The following PTGER3 variants were observed in gnomAD, a reference collection of about 807,000 sequenced individuals.
PTGER3 encodes prostaglandin E receptor 3, also known as prostaglandin E2 receptor EP3 subtype.
A neutral mutation model predicts 34.7 loss-of-function variants in PTGER3; 22 were observed. The observed-to-expected ratio is 0.63, with a 90% confidence interval of 0.45 to 0.91. PTGER3 has a LOEUF of 0.91. PTGER3 is among the 40% of genes least tolerant of loss of function. PTGER3 has a pLI of 0.00. For missense variants in PTGER3, 468 were observed against 519.4 expected, an observed-to-expected ratio of 0.90 and a Z score of 0.96; for synonymous variants, 241 against 230.1, an observed-to-expected ratio of 1.05 and a Z score of -0.43.
chr1:70,862,416 T>C (rs373939618), intron 4 of PTGER3: 8 of 1,331,518 alleles, frequency 6.0e-6, no homozygotes, highest in Non-Finnish European at 6.1e-6. Context: ...TGATAGGCAA[T>C]AGAAATATTG....
intron 2 of PTGER3, among the ~76,000 whole-genome samples, chr1:71,003,456 T>C (rs1359484395): frequency 6.6e-6 from 1 of 152,204 alleles, no homozygotes; most frequent in Non-Finnish European, 1.5e-5. Flanking sequence ...ATCTCTCTTG[T>C]TGGGCCAGCA....
intron 2 of PTGER3, among the ~76,000 whole-genome samples, chr1:70,983,823 T>G (rs373231575): frequency 5.7e-4 from 87 of 152,224 alleles, no homozygotes; most frequent in African/African-American, 2.0e-3. Context: ...ACTTCCTGAT[T>G]CATTGAATTT....
chr1:70,852,989 G>A, intron 4 of PTGER3: 5 of 1,062,492 alleles, frequency 4.7e-6, no homozygotes, highest in Non-Finnish European at 7.1e-6. Flanking sequence ...ACTTACAGCA[G>A]TATAACAAGA....
chr1:70,957,257 A>T (rs1651442739), intron 2 of PTGER3, among the ~76,000 whole-genome samples: 1 of 152,154 alleles, frequency 6.6e-6, no homozygotes, highest in Non-Finnish European at 1.5e-5. Context: ...CCCCTAAATG[A>T]GTATATTGTT....
intron 2 of PTGER3, among the ~76,000 whole-genome samples, chr1:70,977,029 T>G (rs112530395): frequency 0.017 from 2,518 of 152,306 alleles, 84 homozygotes; most frequent in African/African-American, 0.058. Flanking sequence ...GATTTCAATT[T>G]AGACAGCTTT....
At chr1:70,905,153 T>G (rs137875578) in intron 4 of PTGER3, among the ~76,000 whole-genome samples, 19 of 152,182 alleles carry the variant, frequency 1.2e-4, no homozygotes, top group Non-Finnish European at 2.6e-4. Context: ...AGGTCAAGAA[T>G]TGGGGTTTGT....
intron 4 of PTGER3, among the ~76,000 whole-genome samples, chr1:70,939,783 C>T (rs1649586083): frequency 6.6e-6 from 1 of 152,158 alleles, no homozygotes; most frequent in South Asian, 2.1e-4. Context: ...GACTGTGGGC[C>T]CAGCTGATGA....
chr1:70,895,695 GA>G (rs1199412590), intron 4 of PTGER3, among the ~76,000 whole-genome samples: 1 of 152,224 alleles, frequency 6.6e-6, no homozygotes, highest in African/African-American at 2.4e-5. Context: ...AGAAATTTCA[GA>G]GAACAGGAAA....
chr1:71,021,407 GTATT>G (rs1472868148), intron 1 of PTGER3, among the ~76,000 whole-genome samples: 1 of 152,100 alleles, frequency 6.6e-6, no homozygotes, highest in Non-Finnish European at 1.5e-5. Context: ...ATCTAAGTAA[GTATT>G]CAAATTCTGG....
At chr1:71,039,241 G>C (rs1660079234) in intron 1 of PTGER3, among the ~76,000 whole-genome samples, 1 of 152,102 alleles carries the variant, frequency 6.6e-6, no homozygotes, top group African/African-American at 2.4e-5. Context: ...AGGGAAAGGG[G>C]AAATGGGATC....
intron 4 of PTGER3, among the ~76,000 whole-genome samples, chr1:70,937,952 T>G (rs1649389712): frequency 1.3e-5 from 2 of 152,202 alleles, no homozygotes; most frequent in African/African-American, 4.8e-5. Context: ...AGTTCTTATT[T>G]AGAGTATTGG....
intron 4 of PTGER3, among the ~76,000 whole-genome samples, chr1:70,856,137 GTCTA>G: frequency 6.6e-6 from 1 of 152,176 alleles, no homozygotes; most frequent in Admixed American, 6.5e-5. Flanking sequence ...CTTCCAAGGT[GTCTA>G]TCACTATACT....
chr1:70,969,539 A>AGGAATAGTACAAT (rs1553169032), downstream of PTGER3, among the ~76,000 whole-genome samples: 1 of 152,208 alleles, frequency 6.6e-6, no homozygotes, highest in Non-Finnish European at 1.5e-5. Context: ...AAAATATTCA[A>AGGAATAGTACAAT]GGAATAGTAC....
At chr1:70,975,610 A>G (rs57657267) in intron 2 of PTGER3, among the ~76,000 whole-genome samples, 3,823 of 152,214 alleles carry the variant, frequency 0.025, 182 homozygotes, top group African/African-American at 0.088. Flanking sequence ...TAGTTTTCCA[A>G]TCTTTAACTG....
intron 4 of PTGER3, among the ~76,000 whole-genome samples, chr1:70,871,785 CA>C (rs1646168529): frequency 6.6e-6 from 1 of 152,056 alleles, no homozygotes; most frequent in Non-Finnish European, 1.5e-5. Context: ...GCTGGACTTG[CA>C]ATTTTTTTTT....
chr1:70,996,618 G>A lies in PTGER3; in HGVS notation c.1077+15687C>T, dbSNP rs571345460. 5.4e-4 allele frequency among the ~76,000 whole-genome samples: 65 copies of A among 119,928 alleles called. No individual in the cohort carries two copies. In the East Asian group the frequency reaches 0.014, roughly 26 times the overall value. 78.7% of individuals were successfully genotyped at this position (119,928 alleles called of 152,430 possible). A position where few individuals can be genotyped will look rare whatever the true frequency, so the allele number is the denominator to read the frequency against. On this transcript the variant is annotated intron_variant, in intron 2 of 3. Coordinates refer to ENST00000306666, the MANE Select transcript of PTGER3 (RefSeq NM_198719.2). ...TGGGACTACAGGCGCCCGCCACCAT[G>A]CCCGGCTAATTTTTTTGTATTTTTA...
chr1:71,045,014 A>G (rs1223090743), intron 1 of PTGER3, among the ~76,000 whole-genome samples: 1 of 152,196 alleles, frequency 6.6e-6, no homozygotes, highest in Non-Finnish European at 1.5e-5. Context: ...TTCCTCAGCC[A>G]TAAAAGTAAA....
chr1:70,927,561 A>C (rs1648230282), intron 4 of PTGER3, among the ~76,000 whole-genome samples: 1 of 152,202 alleles, frequency 6.6e-6, no homozygotes, highest in African/African-American at 2.4e-5. Context: ...ACATTTAGAA[A>C]TATTTCCTGG....
chr1:71,043,030 T>C (rs1660451051), intron 1 of PTGER3, among the ~76,000 whole-genome samples: 1 of 152,238 alleles, frequency 6.6e-6, no homozygotes, highest in African/African-American at 2.4e-5. Context: ...ATTCTACCTG[T>C]TTGGGAGTGC....
Sources: gnomAD v4.1 joint callset for allele counts (sites outside exome capture counted in the v4.1 genomes callset) on GRCh38, gnomAD v4.1.1 for gene constraint, MANE v1.5 for transcripts, NCBI Gene and HGNC (gene_info 2026-07-23, HGNC 2026-07-21) for gene names.